ARHGAP6: variants seen among roughly 807,000 people sequenced by gnomAD.
ARHGAP6 encodes Rho GTPase activating protein 6.
Under a neutral mutation model 55.7 loss-of-function variants are expected in ARHGAP6, and 16 were observed. The ratio of observed to expected loss-of-function variants is 0.29; its 90% CI spans 0.19 to 0.44. The LOEUF is 0.44. Among genes scored for constraint, ARHGAP6 ranks in the 20% least tolerant of loss-of-function variants. The pLI is 1.00. For missense variants in ARHGAP6, 698 were observed against 808.9 expected (o/e 0.86, Z 1.66); for synonymous variants, 382 against 360.9 (o/e 1.06, Z -0.66).
chrX:11,403,338 C>T (rs73500804), intron 1 of ARHGAP6, among the ~76,000 whole-genome samples: 6,003 of 111,209 alleles, frequency 0.054, 186 homozygotes, highest in African/African-American at 0.12. Context: ...GTGTCAAATA[C>T]GACAGCCACT....
chrX:11,140,417 C>CCAA (rs2045605081), intron 12 of ARHGAP6, among the ~76,000 whole-genome samples: 2 of 41,447 alleles, frequency 4.8e-5, no homozygotes, highest in African/African-American at 1.9e-4. Context: ...GACTCCGTCA[C>CCAA]AAAAAAAAAA....
At chrX:11,355,600 G>C (rs1241684218) in intron 1 of ARHGAP6, among the ~76,000 whole-genome samples, 1 of 112,250 alleles carries the variant, frequency 8.9e-6, no homozygotes, top group Non-Finnish European at 1.9e-5. Context: ...CCAAGGATAA[G>C]TGACTTAAGG....
chrX:11,647,123 C>T (rs1179246970), intron 1 of ARHGAP6, among the ~76,000 whole-genome samples: 1 of 112,018 alleles, frequency 8.9e-6, no homozygotes, highest in Non-Finnish European at 1.9e-5. Flanking sequence ...GAGATGTTAA[C>T]GTAATTGCTG....
intron 1 of ARHGAP6, among the ~76,000 whole-genome samples, chrX:11,639,454 C>T (rs2052451475): frequency 9.1e-6 from 1 of 109,806 alleles, no homozygotes. Flanking sequence ...TGAGCGAGAA[C>T]ATGCAGTGTT....
At chrX:11,383,231 C>T (rs1315348081) in intron 1 of ARHGAP6, among the ~76,000 whole-genome samples, 1 of 111,462 alleles carries the variant, frequency 9.0e-6, no homozygotes, top group East Asian at 2.8e-4. Flanking sequence ...CAGCATGCTT[C>T]ATGGTTCATT....
At chrX:11,520,178 T>TATATATATATATATATATATATATA (rs1491472649) in intron 1 of ARHGAP6, among the ~76,000 whole-genome samples, 1 of 75,800 alleles carries the variant, frequency 1.3e-5, no homozygotes, top group Non-Finnish European at 2.5e-5. Flanking sequence ...TATATATATA[T>TATATATATATATATATATATATATA]TACTTTAAGT....
At chrX:11,399,051 C>T (rs963112770) in intron 1 of ARHGAP6, among the ~76,000 whole-genome samples, 1 of 111,803 alleles carries the variant, frequency 8.9e-6, no homozygotes, top group Non-Finnish European at 1.9e-5. Context: ...TCTTTAAGCA[C>T]ATTTAAACAC....
intron 1 of ARHGAP6, among the ~76,000 whole-genome samples, chrX:11,411,284 A>G (rs949852942): frequency 1.0e-4 from 10 of 97,051 alleles, no homozygotes; most frequent in Non-Finnish European, 2.0e-4. Flanking sequence ...TTAGATTTAT[A>G]TATGCATATA....
chrX:11,575,973 C>G (rs1438228049), intron 1 of ARHGAP6, among the ~76,000 whole-genome samples: 5 of 112,123 alleles, frequency 4.5e-5, no homozygotes, highest in Non-Finnish European at 7.5e-5. Flanking sequence ...CTGACTTCAA[C>G]TTTCTTTCCG....
chrX:11,312,782 C>T (rs1181750990), intron 1 of ARHGAP6, among the ~76,000 whole-genome samples: 1 of 111,475 alleles, frequency 9.0e-6, no homozygotes, highest in African/African-American at 3.3e-5. Flanking sequence ...TTCTCCTCTT[C>T]ACTGCATGTT....
intron 5 of ARHGAP6, among the ~76,000 whole-genome samples, chrX:11,182,894 G>A (rs1049223636): frequency 2.3e-4 from 25 of 110,690 alleles, no homozygotes; most frequent in African/African-American, 7.9e-4. Flanking sequence ...GAGATTACAG[G>A]TGTGAGCCAC....
chrX:11,565,362 G>T (rs924897062), intron 1 of ARHGAP6, among the ~76,000 whole-genome samples: 1 of 112,222 alleles, frequency 8.9e-6, no homozygotes, highest in East Asian at 2.8e-4. Flanking sequence ...ACACAATATG[G>T]CCTGAACTAC....
intron 1 of ARHGAP6, among the ~76,000 whole-genome samples, chrX:11,352,059 C>T (rs2048869909): frequency 8.9e-6 from 1 of 112,442 alleles, no homozygotes; most frequent in African/African-American, 3.2e-5. Context: ...AATAAAACGA[C>T]TACAAAAATA....
intron 1 of ARHGAP6, among the ~76,000 whole-genome samples, chrX:11,500,396 T>A (rs2050664109): frequency 9.4e-6 from 1 of 106,521 alleles, no homozygotes; most frequent in South Asian, 4.1e-4. Flanking sequence ...GTGCGGTGAC[T>A]CACGCTGTAA....
At chrX:11,248,342 A>G (rs5933868) in intron 2 of ARHGAP6, among the ~76,000 whole-genome samples, 2,799 of 112,026 alleles carry the variant, frequency 0.025, 37 homozygotes, top group Middle Eastern at 0.069. Context: ...TAGAAGTAGA[A>G]TGGTTGGGCC....
chrX:11,190,859 C>T (rs756428739), intron 3 of ARHGAP6, among the ~76,000 whole-genome samples: 1 of 111,998 alleles, frequency 8.9e-6, no homozygotes, highest in Admixed American at 9.4e-5. Context: ...AATTCTGCCT[C>T]CTGTTTCAGG....
chrX:11,505,135 T>C lies in ARHGAP6; in HGVS notation c.588+159106A>G, dbSNP rs147239422. Reference sequence around the variant, plus strand: ...AAATAAGACCAACCTCCCACCAGTATAGTGCATTACGCTTTCACCTATGAG... The same window carrying C: ...AAATAAGACCAACCTCCCACCAGTACAGTGCATTACGCTTTCACCTATGAG... On this transcript the variant is annotated intron_variant, in intron 1 of 12. Transcript: ENST00000337414. Among the ~76,000 whole-genome samples the C allele has an allele frequency of 5.9e-3, 650 of 110,333 alleles. 7 individuals are homozygous for C. The highest frequency in any genetic ancestry group is 0.021 in the African/African-American group (624 of 30,336).
intron 10 of ARHGAP6, among the ~76,000 whole-genome samples, chrX:11,156,004 A>G (rs894351828): frequency 1.8e-5 from 2 of 112,442 alleles, no homozygotes; most frequent in African/African-American, 6.5e-5. Context: ...ACCCATGTGC[A>G]TTTTTATCAA....
At chrX:11,232,620 G>C (rs779637809) in intron 2 of ARHGAP6, among the ~76,000 whole-genome samples, 1 of 111,445 alleles carries the variant, frequency 9.0e-6, no homozygotes, top group Non-Finnish European at 1.9e-5. Context: ...GCGACAGAGG[G>C]AGACTCCATC....
Sources: allele counts gnomAD v4.1 joint callset (sites outside exome capture counted in the v4.1 genomes callset), GRCh38; gene constraint gnomAD v4.1.1; transcripts MANE v1.5; gene names NCBI Gene and HGNC (gene_info 2026-07-23, HGNC 2026-07-21).